Variants in TESMIN observed in about 807,000 individuals in gnomAD.
The protein encoded by TESMIN is testis expressed metallothionein like protein.
A neutral mutation model predicts 47.4 loss-of-function variants in TESMIN; 34 were observed. That is an observed-to-expected ratio of 0.72 (90% CI 0.55 to 0.96). The LOEUF (loss-of-function observed/expected upper bound fraction) is 0.96. Ranked by LOEUF, TESMIN falls within the 40% of genes least tolerant of loss-of-function variation. The pLI is 0.00. For synonymous variants in TESMIN, 278 were observed against 258.9 expected (o/e 1.07, Z -0.71); for missense variants, 610 against 637.2 (o/e 0.96, Z 0.46).
At chr11:68,747,107 C>G (rs36118833) in intron 3 of TESMIN, 101 bp downstream of exon 3, 73,019 of 1,344,158 alleles carry the variant, frequency 0.054, 2,320 homozygotes, top group South Asian at 0.07. Flanking sequence ...ACAATACATA[C>G]GTGAAATGAA....
chr11:68,738,177 G>A (rs998516143), intron 6 of TESMIN: 4 of 986,234 alleles, frequency 4.1e-6, no homozygotes, highest in South Asian at 9.4e-5. Context: ...ATAGCAAGAT[G>A]AGGTCCCAGA....
At chr11:68,706,129 C>G (rs891717324), downstream of TESMIN, among the ~76,000 whole-genome samples, 2 of 151,986 alleles carry the variant, frequency 1.3e-5, no homozygotes, top group Admixed American at 1.3e-4. Flanking sequence ...AGCACTGGCT[C>G]TCCGCCAAAC....
rs575167867 is a variant in TESMIN at position 68,741,563 on chromosome 11, C to T, written c.828+755G>A. On this transcript the variant is annotated intron_variant, in intron 5 of 9. Coordinates refer to ENST00000255087, the MANE Select transcript of TESMIN (RefSeq NM_004923.3). ...CAGTAAAATGTAAGCTGCAGGAGGG[C>T]GGAGTTGTGTGTTTTGTTTTCTGAG... Among the ~76,000 whole-genome samples the T allele has an allele frequency of 3.3e-5, 5 of 152,214 alleles. No individual in the cohort carries two copies. In the East Asian group the frequency reaches 5.8e-4, roughly 18 times the overall value.
In TESMIN at chr11:68,737,292, A is replaced by G. The variant is rs1005404876; in HGVS notation, c.917+1408T>C. 5 of 985,374 alleles carry G rather than the reference A, an allele frequency of 5.1e-6. No homozygotes were observed. The African/African-American group carries it at 8.7e-5, about 17-fold the overall frequency. 61.0% of individuals were successfully genotyped at this position (985,374 alleles called of 1,614,324 possible). On this transcript the variant is annotated intron_variant, in intron 6 of 9. Transcript: ENST00000255087. ...CAGTCTTATTCTGTCCAACTCAGCA[A>G]AAGTTGTCAACAGCCTAGGCACAGA...
intron 8 of TESMIN, among the ~76,000 whole-genome samples, chr11:68,711,871 A>AGCCCCCTCTT (rs1406086510): frequency 6.6e-6 from 1 of 152,220 alleles, no homozygotes; most frequent in African/African-American, 2.4e-5. Flanking sequence ...GTACCCAGCA[A>AGCCCCCTCTT]GCCCCCTCTT....
In TESMIN at chr11:68,735,079, G is replaced by A. The variant is rs141730705; in HGVS notation, c.917+3621C>T. 2.0e-3 allele frequency among the ~76,000 whole-genome samples: 302 copies of A among 152,344 alleles called. 3 individuals are homozygous for A. Among genetic ancestry groups the A allele is most frequent in the Admixed American group, 8.9e-3 (136 of 15,310 alleles). ...CCATTTTAGAGGTAAAGACAATGTT[G>A]CTGAATGCTGTATTAATTGAGAATT... On this transcript the variant is annotated intron_variant, in intron 6 of 9. Coordinates refer to ENST00000255087, the MANE Select transcript of TESMIN (RefSeq NM_004923.3).
intron 7 of TESMIN, among the ~76,000 whole-genome samples, chr11:68,714,471 C>T (rs745813724): frequency 2.6e-5 from 4 of 152,360 alleles, no homozygotes; most frequent in African/African-American, 7.2e-5. Context: ...TGCACCCCCG[C>T]GGGGAATGCT....
rs756743417 is a variant in TESMIN at position 68,713,374 on chromosome 11, G to T, written c.1054C>A (p.Pro352Thr). The change falls in exon 8 of 10, where the codon CCA becomes ACA. Residue 352 changes from proline (P) to threonine (T), a missense_variant. Pro to Thr is a conservative substitution (Grantham distance 38, BLOSUM62 -1). Coordinates refer to ENST00000255087, the MANE Select transcript of TESMIN (RefSeq NM_004923.3). ...CLGRNPEAFQ[P>T]KIGKGQLGNV... ...CCCAATTGGCCCTTCCCAATTTTTG[G>T]CTGGAAAGCTTCTGGATTTCTACCA... 6.2e-7 allele frequency: 1 copy of T among 1,614,114 alleles called. No homozygotes were observed. The highest frequency in any genetic ancestry group is 8.5e-7 in the Non-Finnish European group (1 of 1,180,022).
At chr11:68,711,162 AGT>A in intron 8 of TESMIN, 113 bp from the exon 9 acceptor site, 70 of 925,062 alleles carry the variant, frequency 7.6e-5, no homozygotes, top group Non-Finnish European at 9.3e-5. Context: ...CATGACAGAG[AGT>A]GTGTGTGTGT....
intron 6 of TESMIN, among the ~76,000 whole-genome samples, chr11:68,722,805 T>C (rs1188641422): frequency 6.6e-6 from 1 of 151,994 alleles, no homozygotes; most frequent in Non-Finnish European, 1.5e-5. Context: ...GAAGGCAAAA[T>C]GCGCCAAGAT....
At chr11:68,745,186 A>C (rs1946504117) in intron 3 of TESMIN, 75 bp from the exon 4 acceptor site, 5 of 1,368,680 alleles carry the variant, frequency 3.7e-6, no homozygotes, top group Middle Eastern at 2.1e-4. Context: ...ATAAACTTAA[A>C]TCTGAGAAAA....
At chr11:68,730,810 A>G (rs1362314383) in intron 6 of TESMIN, among the ~76,000 whole-genome samples, 1 of 152,182 alleles carries the variant, frequency 6.6e-6, no homozygotes, top group Non-Finnish European at 1.5e-5. Context: ...AAAAAAAAAA[A>G]AAAATTTAAA....
downstream of TESMIN, among the ~76,000 whole-genome samples, chr11:68,705,640 G>A (rs1215259773): frequency 3.3e-5 from 5 of 151,666 alleles, no homozygotes; most frequent in Admixed American, 3.3e-4. Context: ...TTTTTCTTTC[G>A]GATAAACAAA....
chr11:68,711,368 G>A (rs1946068506), intron 8 of TESMIN, among the ~76,000 whole-genome samples: 1 of 151,194 alleles, frequency 6.6e-6, no homozygotes. Context: ...GTGGGGTTTG[G>A]GTATGTGTGT....
chr11:68,734,558 C>A (rs1267833466), intron 6 of TESMIN, among the ~76,000 whole-genome samples: 1 of 152,206 alleles, frequency 6.6e-6, no homozygotes, highest in Non-Finnish European at 1.5e-5. Flanking sequence ...ATTTAGAATT[C>A]TGTGACAGGG....
intron 6 of TESMIN, among the ~76,000 whole-genome samples, chr11:68,724,256 A>G (rs1169140752): frequency 6.6e-6 from 1 of 152,248 alleles, no homozygotes; most frequent in Admixed American, 6.5e-5. Context: ...AGATTAAAAG[A>G]GGAAAACAAT....
At chr11:68,735,055 C>T (rs569453499) in intron 6 of TESMIN, among the ~76,000 whole-genome samples, 1 of 152,244 alleles carries the variant, frequency 6.6e-6, no homozygotes, top group Non-Finnish European at 1.5e-5. Context: ...AGAGAGCTCC[C>T]ATTTTAGAGG....
chr11:68,722,485 C>G (rs1946213725), intron 6 of TESMIN, among the ~76,000 whole-genome samples: 1 of 151,684 alleles, frequency 6.6e-6, no homozygotes, highest in African/African-American at 2.4e-5. Context: ...ATGCTGCCAT[C>G]TGAATGGGAA....
intron 6 of TESMIN, among the ~76,000 whole-genome samples, chr11:68,723,232 A>G (rs1009587046): frequency 6.6e-6 from 1 of 152,116 alleles, no homozygotes; most frequent in East Asian, 1.9e-4. Context: ...AAAAGAATTA[A>G]CTAAAATATC....
Sources: allele counts gnomAD v4.1 joint callset (sites outside exome capture counted in the v4.1 genomes callset), GRCh38; gene constraint gnomAD v4.1.1; transcripts MANE v1.5; gene names NCBI Gene and HGNC (gene_info 2026-07-23, HGNC 2026-07-21).